Variants in GATA4 observed in about 807,000 individuals in gnomAD.
GATA4 encodes transcription factor GATA-4.
In GATA4, 7 loss-of-function variants were observed where a neutral mutation model predicts 37.9. The observed-to-expected ratio is 0.18, with a 90% CI of 0.11 to 0.35. GATA4 has a LOEUF of 0.35. GATA4 is among the 10% of genes least tolerant of loss of function. GATA4 has a pLI of 1.00. For missense variants in GATA4, 647 were observed against 653.0 expected (o/e 0.99, Z 0.10); for synonymous variants, 372 against 292.6 (o/e 1.27, Z -2.77).
chr8:11,715,246 TG>T (rs1800385630), intron 2 of GATA4, among the ~76,000 whole-genome samples: 1 of 152,080 alleles, frequency 6.6e-6, no homozygotes, highest in African/African-American at 2.4e-5. Context: ...ACAAAAAATT[TG>T]TAACACAGAT....
chr8:11,753,697 A>C (rs810738), intron 4 of GATA4, among the ~76,000 whole-genome samples: 2 of 151,820 alleles, frequency 1.3e-5, no homozygotes, highest in African/African-American at 4.8e-5. Flanking sequence ...TGCAAGTGCC[A>C]CCCCATCTAC....
At chr8:11,714,247 TAAC>T (rs1165030157) in intron 2 of GATA4, among the ~76,000 whole-genome samples, 7 of 152,210 alleles carry the variant, frequency 4.6e-5, no homozygotes, top group African/African-American at 9.6e-5. Flanking sequence ...TCGATAAAAA[TAAC>T]AACACAATGA....
At chr8:11,756,381 CCCCT>C in intron 5 of GATA4, 3 of 177,296 alleles carry the variant, frequency 1.7e-5, no homozygotes, top group South Asian at 1.2e-4. Flanking sequence ...TCCCCTATGT[CCCCT>C]GGGTAACCTT....
At chr8:11,682,412 GATAA>G (rs759645191) in intron 1 of GATA4, among the ~76,000 whole-genome samples, 12 of 152,298 alleles carry the variant, frequency 7.9e-5, no homozygotes, top group Admixed American at 1.3e-4. Context: ...CTTTTTTGTA[GATAA>G]ATAATGATTT....
At chr8:11,741,360 T>C (rs1351077714) in intron 2 of GATA4, among the ~76,000 whole-genome samples, 1 of 151,970 alleles carries the variant, frequency 6.6e-6, no homozygotes, top group Non-Finnish European at 1.5e-5. Flanking sequence ...GCAACTGTAG[T>C]CCCAGCTACT....
intron 1 of GATA4, among the ~76,000 whole-genome samples, chr8:11,693,961 A>G (rs34838488): frequency 0.25 from 38,625 of 152,106 alleles, 5,788 homozygotes; most frequent in East Asian, 0.72. Context: ...AGGTCCAGAA[A>G]GAGTACTAGG....
chr8:11,749,191 G>T lies in GATA4; in HGVS notation c.786+106G>T. On this transcript the variant is annotated intron_variant, in intron 3 of 6. Transcript: ENST00000532059. The surrounding 1 kb of genome is among the most constrained non-coding windows in gnomAD (Gnocchi z 4.6). Reference sequence around the variant, plus strand: ...TTTGGAACTTGAGGGTGTGCATCGGGGATTACGTGGGTGAGAGCCCCATAA... The same window carrying T: ...TTTGGAACTTGAGGGTGTGCATCGGTGATTACGTGGGTGAGAGCCCCATAA... 1 of 1,073,464 alleles carries T rather than the reference G, an allele frequency of 9.3e-7. No individual in the cohort carries two copies. Among genetic ancestry groups the T allele is most frequent in the South Asian group, 1.3e-5 (1 of 74,808 alleles). 66.5% of individuals were successfully genotyped at this position (1,073,464 alleles called of 1,614,324 possible). A position where few individuals can be genotyped will look rare whatever the true frequency, so the allele number is the denominator to read the frequency against.
intron 1 of GATA4, among the ~76,000 whole-genome samples, chr8:11,695,196 G>A (rs1799468169): frequency 6.6e-6 from 1 of 152,226 alleles, no homozygotes; most frequent in Admixed American, 6.5e-5. Context: ...ACCTGAGGCT[G>A]GGAGTTCGAG....
upstream of GATA4, chr8:11,704,041 A>T (rs1212899515): frequency 1.3e-5 from 2 of 152,228 alleles, no homozygotes; most frequent in African/African-American, 4.8e-5. Flanking sequence ...CAGAGCCTGG[A>T]CTTTGCCTGC....
intron 2 of GATA4, among the ~76,000 whole-genome samples, chr8:11,739,510 CAT>C (rs953188060): frequency 6.8e-6 from 1 of 147,570 alleles, no homozygotes; most frequent in African/African-American, 2.6e-5. Flanking sequence ...TATATACACA[CAT>C]GTATGTGTAC....
At chr8:11,702,286 T>C (rs2130028287), upstream of GATA4, among the ~76,000 whole-genome samples, 1 of 152,112 alleles carries the variant, frequency 6.6e-6, no homozygotes, top group East Asian at 1.9e-4. The surrounding 1 kb of genome is among the most constrained non-coding windows in gnomAD (Gnocchi z 4.4). Context: ...TCAGCCCTTT[T>C]CGCCCTTTAA....
At chr8:11,750,314 G>C in intron 4 of GATA4, 78 bp downstream of exon 4, 1 of 1,578,388 alleles carries the variant, frequency 6.3e-7, no homozygotes, top group Non-Finnish European at 8.6e-7. Flanking sequence ...TTCTTCCTTT[G>C]TACTAGCATT....
chr8:11,738,801 C>T (rs770096771), intron 2 of GATA4, among the ~76,000 whole-genome samples: 3 of 152,224 alleles, frequency 2.0e-5, no homozygotes, highest in Non-Finnish European at 4.4e-5. Context: ...CCCCCAACCC[C>T]AGGGCACAGT....
At chr8:11,711,884 G>A (rs1039641777) in intron 2 of GATA4, among the ~76,000 whole-genome samples, 8 of 152,116 alleles carry the variant, frequency 5.3e-5, no homozygotes, top group Admixed American at 2.0e-4. Context: ...CCTGAGTCAT[G>A]GAGGGAAGAT....
At chr8:11,726,384 C>T (rs148183025) in intron 2 of GATA4, among the ~76,000 whole-genome samples, 5 of 152,250 alleles carry the variant, frequency 3.3e-5, no homozygotes, top group South Asian at 4.1e-4. Flanking sequence ...GAGAGAAGAG[C>T]GCAGAAAGTT....
At chr8:11,677,347 C>A (rs1798817731) in intron 1 of GATA4, among the ~76,000 whole-genome samples, 1 of 152,230 alleles carries the variant, frequency 6.6e-6, no homozygotes, top group African/African-American at 2.4e-5. Context: ...CTCCTTCTTC[C>A]ACTGAGGTGG....
intron 2 of GATA4, among the ~76,000 whole-genome samples, chr8:11,730,999 C>T (rs966274104): frequency 5.3e-5 from 8 of 152,248 alleles, no homozygotes; most frequent in African/African-American, 1.9e-4. Context: ...GCTTCTCGGG[C>T]AGTCTTCCTT....
intron 2 of GATA4, among the ~76,000 whole-genome samples, chr8:11,723,349 A>C (rs553815124): frequency 2.5e-4 from 38 of 152,214 alleles, no homozygotes; most frequent in Admixed American, 2.5e-3. Flanking sequence ...TTAAAAAAAA[A>C]AAACAAAAAA....
chr8:11,697,910 A>G, intron 1 of GATA4: 1 of 985,354 alleles, frequency 1.0e-6, no homozygotes, highest in Non-Finnish European at 1.2e-6. Context: ...TCTCTGGGGG[A>G]CCCACCAGTC....
Sources: gnomAD v4.1 joint callset for allele counts (sites outside exome capture counted in the v4.1 genomes callset) on GRCh38, gnomAD v4.1.1 for gene constraint, Gnocchi (gnomAD v3.1) non-coding constraint, MANE v1.5 for transcripts, NCBI Gene and HGNC (gene_info 2026-07-23, HGNC 2026-07-21) for gene names.